Variants in SLC26A7 observed in about 807,000 individuals in gnomAD.
SLC26A7 encodes the protein anion exchange transporter.
A neutral mutation model predicts 82.5 loss-of-function variants in SLC26A7; 59 were observed. The observed-to-expected ratio is 0.72, with a 90% confidence interval of 0.58 to 0.89. The LOEUF (loss-of-function observed/expected upper bound fraction) is 0.89. Ranked by LOEUF, SLC26A7 falls within the 40% of genes least tolerant of loss-of-function variation. The pLI is 0.00. For missense variants in SLC26A7, 820 were observed against 793.0 expected, an observed-to-expected ratio of 1.03 and a Z score of -0.41; for synonymous variants, 271 against 274.3, an observed-to-expected ratio of 0.99 and a Z score of 0.12.
At chr8:91,321,856 T>C (rs1812799183) in intron 5 of SLC26A7, among the ~76,000 whole-genome samples, 1 of 152,190 alleles carries the variant, frequency 6.6e-6, no homozygotes, top group South Asian at 2.1e-4. Flanking sequence ...CTCTTGTTAG[T>C]TACCATAACT....
chr8:91,316,241 G>A (rs117466522), intron 4 of SLC26A7, among the ~76,000 whole-genome samples: 7 of 151,848 alleles, frequency 4.6e-5, no homozygotes, highest in African/African-American at 1.2e-4. Context: ...CCTTCCCTCC[G>A]ATTTCTTTAA....
At chr8:91,363,234 C>A (rs1814098626) in intron 12 of SLC26A7, among the ~76,000 whole-genome samples, 1 of 151,960 alleles carries the variant, frequency 6.6e-6, no homozygotes, top group African/African-American at 2.4e-5. Flanking sequence ...CTTTACTAAT[C>A]CACATCTAGT....
At chr8:91,354,613 A>G (rs1813810348) in intron 11 of SLC26A7, among the ~76,000 whole-genome samples, 1 of 152,158 alleles carries the variant, frequency 6.6e-6, no homozygotes, top group Admixed American at 6.6e-5. Flanking sequence ...GATGGATCAA[A>G]CTGGTGAAGT....
chr8:91,364,357 G>A (rs1412167903), intron 13 of SLC26A7, among the ~76,000 whole-genome samples: 2 of 152,128 alleles, frequency 1.3e-5, no homozygotes, highest in African/African-American at 4.8e-5. Context: ...CAGAGTCAGG[G>A]TATTTCCAAA....
intron 4 of SLC26A7, among the ~76,000 whole-genome samples, chr8:91,300,779 T>C (rs1812146127): frequency 6.6e-6 from 1 of 152,242 alleles, no homozygotes; most frequent in Admixed American, 6.5e-5. Context: ...ACCTCTATTA[T>C]AACATTAGGT....
chr8:91,348,544 T>C (rs1813627814), intron 9 of SLC26A7: 3 of 234,082 alleles, frequency 1.3e-5, no homozygotes, highest in African/African-American at 2.3e-5. Context: ...TCAGTAGTTA[T>C]GATTTTGAAG....
intron 11 of SLC26A7, among the ~76,000 whole-genome samples, chr8:91,360,842 G>A (rs1171258304): frequency 6.6e-6 from 1 of 152,076 alleles, no homozygotes; most frequent in African/African-American, 2.4e-5. Flanking sequence ...GAGACTCAGA[G>A]TCATCATGGG....
At chr8:91,214,209 T>C (rs1809994533) in intron 1 of SLC26A7, among the ~76,000 whole-genome samples, 1 of 152,044 alleles carries the variant, frequency 6.6e-6, no homozygotes, top group Non-Finnish European at 1.5e-5. Flanking sequence ...TGTTGATTGA[T>C]TGAGCATGGG....
intron 2 of SLC26A7, among the ~76,000 whole-genome samples, chr8:91,226,121 C>T (rs1810236248): frequency 6.6e-6 from 1 of 152,208 alleles, no homozygotes; most frequent in African/African-American, 2.4e-5. Flanking sequence ...TGAATCTCTA[C>T]TCTCACCAGT....
chr8:91,249,919 C>T, intron 2 of SLC26A7, 75 bp downstream of exon 2: 1 of 1,150,532 alleles, frequency 8.7e-7, no homozygotes, highest in Non-Finnish European at 1.2e-6. Flanking sequence ...AATACTATGA[C>T]CTAGAATAAA....
intron 2 of SLC26A7, 114 bp from the exon 3 acceptor site, chr8:91,289,022 T>C (rs1325595298): frequency 1.5e-6 from 1 of 675,640 alleles, no homozygotes; most frequent in East Asian, 2.6e-5. Context: ...GTTGAGCAAG[T>C]AGAATAAAGT....
intron 4 of SLC26A7, among the ~76,000 whole-genome samples, chr8:91,296,941 CATCTCAGAA>C (rs769674642): frequency 9.9e-5 from 15 of 152,268 alleles, no homozygotes; most frequent in Non-Finnish European, 2.1e-4. Context: ...CATCTATCCC[CATCTCAGAA>C]ATAATCAGCC....
At chr8:91,289,864 C>G (rs1811817519) in intron 3 of SLC26A7, among the ~76,000 whole-genome samples, 1 of 152,108 alleles carries the variant, frequency 6.6e-6, no homozygotes, top group South Asian at 2.1e-4. Flanking sequence ...TTACCTACCT[C>G]TATATTACCA....
intron 16 of SLC26A7, among the ~76,000 whole-genome samples, chr8:91,391,952 G>A (rs1050168109): frequency 1.3e-5 from 2 of 152,092 alleles, no homozygotes; most frequent in Admixed American, 1.3e-4. Flanking sequence ...AGGAGAAATG[G>A]TTACCTACTC....
upstream of SLC26A7, among the ~76,000 whole-genome samples, chr8:91,247,788 A>G (rs188859124): frequency 1.7e-3 from 264 of 152,252 alleles, no homozygotes; most frequent in African/African-American, 5.7e-3. Flanking sequence ...AATTACACAA[A>G]TGATAGATGT....
At chr8:91,341,242 GT>G (rs1563688624) in intron 8 of SLC26A7, among the ~76,000 whole-genome samples, 1 of 151,822 alleles carries the variant, frequency 6.6e-6, no homozygotes, top group African/African-American at 2.4e-5. Flanking sequence ...GCGGTGTTTG[GT>G]TTTTTGTTCT....
At chr8:91,340,655 T>A in intron 8 of SLC26A7, 104 bp downstream of exon 8, 1 of 1,444,028 alleles carries the variant, frequency 6.9e-7, no homozygotes, top group Non-Finnish European at 9.6e-7. Context: ...CTTTCCTAAC[T>A]GTACAGCAAG....
At chr8:91,286,197 G>T (rs78271996) in intron 2 of SLC26A7, among the ~76,000 whole-genome samples, 1 of 152,116 alleles carries the variant, frequency 6.6e-6, no homozygotes, top group Non-Finnish European at 1.5e-5. Flanking sequence ...TCAGCACAGC[G>T]TGGGTTGGAG....
chr8:91,325,307 CT>C lies in SLC26A7; in HGVS notation c.642+6928del, dbSNP rs531225237. On this transcript the variant is annotated intron_variant, in intron 5 of 18. Transcript: ENST00000276609. ...ATAGAGCCTGAAAGTGTTAATTCCCCTACTCTTCTAGGAAGTGACTAAGTTT... is the reference window on the plus strand; with the variant it reads ...ATAGAGCCTGAAAGTGTTAATTCCCCACTCTTCTAGGAAGTGACTAAGTTT... Among the ~76,000 whole-genome samples, 242 of 152,278 alleles carry C rather than the reference CT, an allele frequency of 1.6e-3. 1 individual carries two copies. Among genetic ancestry groups the C allele is most frequent in the Middle Eastern group, 3.4e-3 (1 of 294 alleles).
Sources: allele counts gnomAD v4.1 joint callset (sites outside exome capture counted in the v4.1 genomes callset), GRCh38; gene constraint gnomAD v4.1.1; transcripts MANE v1.5; gene names NCBI Gene and HGNC (gene_info 2026-07-23, HGNC 2026-07-21).